SLCO1A2: variants seen among roughly 807,000 people sequenced by gnomAD.
SLCO1A2 encodes solute carrier organic anion transporter family member 1A2.
Under a neutral mutation model 69.0 loss-of-function variants are expected in SLCO1A2, and 67 were observed. That is an observed-to-expected ratio of 0.97 (90% CI 0.80 to 1.19). The LOEUF (loss-of-function observed/expected upper bound fraction) is 1.19. SLCO1A2 is among the 50% of genes most tolerant of loss of function. The probability of loss-of-function intolerance (pLI) is 0.00; values close to 1 mark genes in which losing one functional copy is unlikely to be tolerated. For missense variants in SLCO1A2, 787 were observed against 793.7 expected (o/e 0.99, Z 0.10); for synonymous variants, 260 against 265.9 (o/e 0.98, Z 0.22).
chr12:21,414,437 A>T (rs1412953955), intron 1 of SLCO1A2, among the ~76,000 whole-genome samples: 3 of 151,854 alleles, frequency 2.0e-5, no homozygotes, highest in Non-Finnish European at 2.9e-5. Context: ...TTATTTACTA[A>T]TTTTTTTTAA....
upstream of SLCO1A2, among the ~76,000 whole-genome samples, chr12:21,397,594 C>T (rs1417022220): frequency 1.3e-5 from 2 of 152,090 alleles, no homozygotes; most frequent in Non-Finnish European, 2.9e-5. Context: ...CACACCACAC[C>T]TATTCCTAAA....
At chr12:21,338,941 C>T (rs919430473), upstream of SLCO1A2, among the ~76,000 whole-genome samples, 20 of 152,016 alleles carry the variant, frequency 1.3e-4, no homozygotes, top group African/African-American at 4.6e-4. Context: ...AAATAGCAGA[C>T]CTTGTAATCC....
At chr12:21,329,570 C>T (rs1952475305) in intron 2 of SLCO1A2, among the ~76,000 whole-genome samples, 1 of 151,410 alleles carries the variant, frequency 6.6e-6, no homozygotes, top group Admixed American at 6.6e-5. Flanking sequence ...GAGCATAATC[C>T]ATCTCTAAAT....
At position 21,300,354 on chromosome 12, in the gene SLCO1A2, T is replaced by C. The variant is rs145899725; in HGVS notation, c.904A>G (p.Thr302Ala). The change falls in exon 8 of 15, where the codon ACT becomes GCT. Residue 302 changes from threonine to alanine, a missense_variant. Transcript: ENST00000683939. ...EEVKKEKYGITKDFLPFMKSL... is the reference protein window; with the variant it reads ...EEVKKEKYGIAKDFLPFMKSL... ...TTAGAATATGTATATTTGCCTTTAG[T>C]GATTCCATATTTTTCCTTCTTGACC... is the stretch of plus-strand genomic sequence containing the variant. 7 of 1,602,376 alleles carry C rather than the reference T, an allele frequency of 4.4e-6. No individual in the cohort carries two copies. The highest frequency in any genetic ancestry group is 6.0e-6 in the Non-Finnish European group (7 of 1,170,428).
chr12:21,330,388 G>T (rs1439250442), intron 2 of SLCO1A2, among the ~76,000 whole-genome samples: 1 of 152,074 alleles, frequency 6.6e-6, no homozygotes, highest in African/African-American at 2.4e-5. Flanking sequence ...GTGCACACTT[G>T]TAGTTCCAGC....
At chr12:21,286,076 T>C (rs1358828427) in intron 12 of SLCO1A2, among the ~76,000 whole-genome samples, 1 of 151,562 alleles carries the variant, frequency 6.6e-6, no homozygotes, top group African/African-American at 2.4e-5. Context: ...ATTGTCCCTG[T>C]TTGCAGATGA....
intron 14 of SLCO1A2, among the ~76,000 whole-genome samples, chr12:21,270,801 T>C (rs192491108): frequency 4.6e-5 from 7 of 151,830 alleles, no homozygotes; most frequent in African/African-American, 1.7e-4. Context: ...TTATAATATC[T>C]GTACTTATAT....
intron 2 of SLCO1A2, among the ~76,000 whole-genome samples, chr12:21,320,022 G>A (rs1013975748): frequency 6.6e-6 from 1 of 152,154 alleles, no homozygotes; most frequent in African/African-American, 2.4e-5. Flanking sequence ...ACATCAACTT[G>A]AATGGTGGTC....
At chr12:21,311,754 C>T (rs927945235) in intron 4 of SLCO1A2, 2 of 122,442 alleles carry the variant, frequency 1.6e-5, no homozygotes, top group African/African-American at 7.0e-5. Flanking sequence ...GGTGAAACTC[C>T]GTCACTACAA....
At chr12:21,343,751 T>C (rs946133181) in intron 2 of SLCO1A2, among the ~76,000 whole-genome samples, 3 of 152,110 alleles carry the variant, frequency 2.0e-5, no homozygotes, top group African/African-American at 7.2e-5. Flanking sequence ...TATGTATGTT[T>C]ATAAAACACA....
intron 1 of SLCO1A2, chr12:21,378,710 G>A (rs867015584): frequency 3.0e-5 from 9 of 304,978 alleles, no homozygotes; most frequent in South Asian, 1.3e-4. Context: ...GTTTAAGAAC[G>A]AAGGAGAAAA....
chr12:21,271,273 A>G (rs1037721480), intron 14 of SLCO1A2, among the ~76,000 whole-genome samples: 5 of 151,790 alleles, frequency 3.3e-5, no homozygotes, highest in Non-Finnish European at 7.4e-5. Context: ...CTTCCTTGGA[A>G]GCTGATATCA....
Position 21,269,707 on chromosome 12 carries a change from G to A in SLCO1A2, c.1854C>T (p.Ile618=), listed in dbSNP as rs1488542140. The part of the protein sequence containing the change: ...LRGSSFVPAL[I]ILILLRKCHL... ...GACACTTCCTCAAAAGAATTAAGAT[G>A]ATTAAGGCTGGAACAAAGCTTGATC... The change falls in exon 15 of 15, where the codon ATC becomes ATT. Residue 618 remains isoleucine, a synonymous_variant. Coordinates refer to ENST00000683939, the MANE Select transcript of SLCO1A2 (RefSeq NM_001386879.1). The A allele has an allele frequency of 5.0e-6, 8 of 1,612,428 alleles. No individual in the cohort carries two copies. Among genetic ancestry groups the A allele is most frequent in the Admixed American group, 3.3e-5 (2 of 59,840 alleles).
Position 21,292,252 on chromosome 12 carries a change from A to G in SLCO1A2, c.1522T>C (p.Leu508=), listed in dbSNP as rs368924931. ...GLCDKGPDCS[L]MLQYFLILSA... is the part of the protein sequence containing the mutation. The stretch of plus-strand genomic sequence containing the variant: ...AAGATTAGGAAGTACTGGAGCATCA[A>G]GGAACAGTCAGGTCCTTTGTCGCAC... Residue 508 remains leucine (L), a synonymous_variant, in exon 12 of 15, where the codon TTG becomes CTG. Transcript: ENST00000683939. The G allele has an allele frequency of 5.0e-6, 8 of 1,613,156 alleles. No individual in the cohort carries two copies. Among genetic ancestry groups the G allele is most frequent in the South Asian group, 1.1e-5 (1 of 91,036 alleles).
intron 2 of SLCO1A2, among the ~76,000 whole-genome samples, chr12:21,363,135 A>C (rs1939067821): frequency 6.6e-6 from 1 of 152,214 alleles, no homozygotes; most frequent in African/African-American, 2.4e-5. Flanking sequence ...AATGGACCAC[A>C]TAGTTGGAAG....
At chr12:21,398,228 A>G (rs1292740553), upstream of SLCO1A2, among the ~76,000 whole-genome samples, 20 of 150,792 alleles carry the variant, frequency 1.3e-4, no homozygotes, top group East Asian at 2.5e-3. Context: ...AACTACCATC[A>G]GAGAATACTA....
In SLCO1A2 at chr12:21,334,572, T is replaced by C. The variant is rs1952811779; in HGVS notation, c.60+16A>G. 1 of 1,595,736 alleles carries C rather than the reference T, an allele frequency of 6.3e-7. No homozygotes were observed. Among genetic ancestry groups the C allele is most frequent in the Admixed American group, 1.7e-5 (1 of 58,854 alleles). ...TAGTGTACATGCACATATATCCACA[T>C]ACAAAAATTCCATACCTTCAACTTG... On this transcript the variant is annotated intron_variant, in intron 2 of 14. Coordinates refer to ENST00000683939, the MANE Select transcript of SLCO1A2 (RefSeq NM_001386879.1).
intron 8 of SLCO1A2, among the ~76,000 whole-genome samples, chr12:21,298,942 T>G (rs901013344): frequency 1.6e-4 from 25 of 152,170 alleles, no homozygotes; most frequent in African/African-American, 6.0e-4. Context: ...AAAAATTCTA[T>G]GCAAATTGAC....
At position 21,332,940 on chromosome 12, in the gene SLCO1A2, A is replaced by C. The variant is rs570298892; in HGVS notation, c.60+1648T>G. ...TTTTGTGAGACCTAAATAGAAATTT[A>C]TGTGAAAAGGACCTAGAAATTTGAA... is the stretch of plus-strand genomic sequence containing the variant. On this transcript the variant is annotated intron_variant, in intron 2 of 14. Transcript: ENST00000683939. Among the ~76,000 whole-genome samples, 157 of 152,234 alleles carry C rather than the reference A, an allele frequency of 1.0e-3. 1 individual carries two copies. Among genetic ancestry groups the C allele is most frequent in the African/African-American group, 3.5e-3 (144 of 41,572 alleles).
Sources: gnomAD v4.1 joint callset for allele counts (sites outside exome capture counted in the v4.1 genomes callset) on GRCh38, gnomAD v4.1.1 for gene constraint, MANE v1.5 for transcripts, NCBI Gene and HGNC (gene_info 2026-07-23, HGNC 2026-07-21) for gene names.